The following USP38 variants were observed in gnomAD, a reference collection of about 807,000 sequenced individuals.
USP38 encodes the protein ubiquitin carboxyl-terminal hydrolase 38.
In USP38, 49 loss-of-function variants were observed where a neutral mutation model predicts 94.3. The ratio of observed to expected loss-of-function variants is 0.52; its 90% CI spans 0.41 to 0.66. USP38 has a LOEUF of 0.66. Among genes scored for constraint, USP38 ranks in the 30% least tolerant of loss-of-function variants. USP38 has a pLI of 0.00. For synonymous variants in USP38, 468 were observed against 463.6 expected (o/e 1.01, Z -0.12); for missense variants, 1,128 against 1,229.4 (o/e 0.92, Z 1.23).
chr4:143,216,292 G>GT, intron 9 of USP38, among the ~76,000 whole-genome samples: 1 of 152,124 alleles, frequency 6.6e-6, no homozygotes, highest in South Asian at 2.1e-4. Context: ...TGTTAATTCA[G>GT]TTTTTCAGTT....
chr4:143,215,822 G>A (rs147039577), intron 9 of USP38, among the ~76,000 whole-genome samples: 3 of 152,114 alleles, frequency 2.0e-5, no homozygotes, highest in East Asian at 1.9e-4. Flanking sequence ...AATTTACTGC[G>A]TTATAAAATA....
rs142338242 is a variant in USP38, at chr4:143,222,861, C to T, written c.*2405C>T. On this transcript the variant is annotated 3_prime_UTR_variant, in exon 10 of 10. Transcript: ENST00000307017. ...TGTCATATTAGGTCTTTTCTTTCTC[C>T]CATATTCCTAACCCGTGTACTAGCT... The T allele has an allele frequency of 6.6e-6, 1 of 151,966 alleles. No homozygotes were observed. The highest frequency in any genetic ancestry group is 2.4e-5 in the African/African-American group (1 of 41,384). 9.4% of individuals were successfully genotyped at this position (151,966 alleles called of 1,614,324 possible).
chr4:143,210,331 G>A (rs940449656), intron 7 of USP38, among the ~76,000 whole-genome samples: 1 of 152,208 alleles, frequency 6.6e-6, no homozygotes, highest in Admixed American at 6.5e-5. Context: ...GCTCACGCCT[G>A]TAATCCTAAC....
intron 2 of USP38, 120 bp downstream of exon 2, chr4:143,188,081 G>A (rs1731281737): frequency 8.5e-7 from 1 of 1,179,542 alleles, no homozygotes; most frequent in Non-Finnish European, 1.2e-6. Context: ...AATGACATAT[G>A]TAAAGATTCT....
chr4:143,209,482 T>G (rs982164086), intron 6 of USP38, 82 bp from the exon 7 acceptor site: 10 of 818,466 alleles, frequency 1.2e-5, no homozygotes, highest in Non-Finnish European at 1.8e-5. Context: ...AAAAGGAAAC[T>G]CTGTCTCAAA....
At chr4:143,197,766 G>A in intron 3 of USP38, 57 bp from the exon 4 acceptor site, 1 of 1,238,186 alleles carries the variant, frequency 8.1e-7, no homozygotes, top group South Asian at 1.2e-5. Context: ...AATAACCACT[G>A]TTGGATTAAT....
At chr4:143,203,693 A>G (rs1175993366) in intron 5 of USP38, 127 bp downstream of exon 5, 2 of 994,480 alleles carry the variant, frequency 2.0e-6, no homozygotes, top group Non-Finnish European at 2.8e-6. Context: ...ATGCAGTTAG[A>G]ATCAGGTTTC....
intron 3 of USP38, 85 bp downstream of exon 3, chr4:143,195,930 C>A (rs1731533534): frequency 7.2e-6 from 9 of 1,255,592 alleles, no homozygotes; most frequent in Admixed American, 5.9e-5. Flanking sequence ...TTGAAAGCAT[C>A]TAATTTTGAA....
chr4:143,196,108 C>A (rs1173985073), intron 3 of USP38, among the ~76,000 whole-genome samples: 2 of 152,032 alleles, frequency 1.3e-5, no homozygotes, highest in African/African-American at 4.8e-5. Context: ...GAGTTCAAGA[C>A]CAGCCTGGCC....
chr4:143,185,228 A>C lies in USP38; in HGVS notation c.-223A>C. ...GCCTCTGGCGCCTTAGGCCAGCCGC[A>C]GGTGTCGGTTCTTAGGCTCTCCAGG... On this transcript the variant is annotated 5_prime_UTR_variant, in exon 1 of 10. Transcript: ENST00000307017. 1.9e-6 allele frequency: 1 copy of C among 515,988 alleles called. No individual in the cohort carries two copies. The highest frequency in any genetic ancestry group is 3.4e-6 in the Non-Finnish European group (1 of 297,804). 32.0% of individuals were successfully genotyped at this position (515,988 alleles called of 1,614,324 possible). A position where few individuals can be genotyped will look rare whatever the true frequency, so the allele number is the denominator to read the frequency against.
At chr4:143,211,637 G>A (rs1732027170) in intron 7 of USP38, among the ~76,000 whole-genome samples, 1 of 152,146 alleles carries the variant, frequency 6.6e-6, no homozygotes, top group Non-Finnish European at 1.5e-5. Flanking sequence ...AATGTCAAGA[G>A]AATTCCAAAG....
chr4:143,217,992 A>G (rs1732227548), intron 9 of USP38, among the ~76,000 whole-genome samples: 1 of 152,114 alleles, frequency 6.6e-6, no homozygotes. Flanking sequence ...ATAAAAACTA[A>G]GCCTTTGGTT....
intron 2 of USP38, among the ~76,000 whole-genome samples, chr4:143,194,531 G>A (rs1051404192): frequency 4.6e-5 from 7 of 151,412 alleles, no homozygotes; most frequent in Admixed American, 1.3e-4. Context: ...TTTTGGAGAC[G>A]GAGTCTCGCT....
chr4:143,185,933 G>T lies in USP38; in HGVS notation c.483G>T (p.Gly161=). 1 of 1,614,184 alleles carries T rather than the reference G, an allele frequency of 6.2e-7. No homozygotes were observed. The highest frequency in any genetic ancestry group is 8.5e-7 in the Non-Finnish European group (1 of 1,180,040). The change falls in exon 1 of 10, where the codon GGG becomes GGT. Residue 161 remains glycine (G), a synonymous_variant. Transcript: ENST00000307017. ...ACTTTGTGCAATGCATCCCCAAGGG[G>T]AAATTGTCCATCACGTTCTGTCAAC... ...LTDFVQCIPK[G]KLSITFCQQL...
chr4:143,209,809 C>A, intron 7 of USP38, 152 bp downstream of exon 7: 1 of 499,472 alleles, frequency 2.0e-6, no homozygotes. Flanking sequence ...TAAAGAGATC[C>A]TGCCTAAAAT....
Position 143,193,188 on chromosome 4 carries a change from A to G in USP38, c.819-2528A>G, listed in dbSNP as rs1731447599. ...TATTCACATGATTTTCTTTTAAACT[A>G]AAATTGTTTTTTAAAAAAACTGCAG... On this transcript the variant is annotated intron_variant, in intron 2 of 9. Transcript: ENST00000307017. 2.0e-5 allele frequency among the ~76,000 whole-genome samples: 3 copies of G among 152,142 alleles called. No individual in the cohort carries two copies. In the South Asian group the frequency reaches 6.2e-4, roughly 31 times the overall value.
intron 2 of USP38, among the ~76,000 whole-genome samples, chr4:143,192,092 A>G (rs939077606): frequency 1.3e-5 from 2 of 152,206 alleles, no homozygotes; most frequent in Admixed American, 1.3e-4. Context: ...ATTGTTGACA[A>G]ATTTCCTAAC....
At chr4:143,190,942 A>G (rs1278399372) in intron 2 of USP38, among the ~76,000 whole-genome samples, 2 of 151,970 alleles carry the variant, frequency 1.3e-5, no homozygotes, top group Admixed American at 1.3e-4. Context: ...ATAGTACCCA[A>G]TTTAGGAATT....
intron 5 of USP38, chr4:143,204,503 C>T (rs1159387589): frequency 1.2e-5 from 5 of 418,492 alleles, no homozygotes; most frequent in Non-Finnish European, 2.3e-5. Flanking sequence ...GACCCTCCTG[C>T]CTCAGCCTCC....
Sources: allele counts gnomAD v4.1 joint callset (sites outside exome capture counted in the v4.1 genomes callset), GRCh38; gene constraint gnomAD v4.1.1; transcripts MANE v1.5; gene names NCBI Gene and HGNC (gene_info 2026-07-23, HGNC 2026-07-21).